The following AGAP1 variants were observed in gnomAD, a reference collection of about 807,000 sequenced individuals.
The protein encoded by AGAP1 is ArfGAP with GTPase domain, ankyrin repeat and PH domain 1, also known as arf-GAP with GTPase, ANK repeat and PH domain-containing protein 1.
AGAP1 carries 29 observed loss-of-function variants against 105.3 expected under a neutral mutation model. The observed-to-expected ratio is 0.28, with a 90% CI of 0.21 to 0.38. The LOEUF is 0.38. AGAP1 is among the 10% of genes least tolerant of loss of function. The pLI, the probability that AGAP1 is intolerant of heterozygous loss-of-function variation, is 1.00. For synonymous variants in AGAP1, 509 were observed against 485.9 expected (o/e 1.05, Z -0.63); for missense variants, 998 against 1,165.1 (o/e 0.86, Z 2.09).
rs1951383564 is a variant in AGAP1, at chr2:235,721,511, A to C, written c.310+3867A>C. On this transcript the variant is annotated intron_variant, in intron 3 of 17. Transcript: ENST00000304032. The surrounding 1 kb of genome is among the most constrained non-coding windows in gnomAD (Gnocchi z 4.5). Reference sequence around the variant, plus strand: ...TGTGTGTGTGTGTGTGTGTACACCTAGGTGTGTAATATATGTATGTGTACT... The same window carrying C: ...TGTGTGTGTGTGTGTGTGTACACCTCGGTGTGTAATATATGTATGTGTACT... Among the ~76,000 whole-genome samples the C allele has an allele frequency of 6.7e-6, 1 of 150,164 alleles. No individual in the cohort carries two copies. Among genetic ancestry groups the C allele is most frequent in the Admixed American group, 6.6e-5 (1 of 15,162 alleles).
chr2:235,780,183 A>G (rs190638003), intron 6 of AGAP1, among the ~76,000 whole-genome samples: 3,115 of 151,562 alleles, frequency 0.021, 99 homozygotes, highest in African/African-American at 0.071. Flanking sequence ...TTTTATTTCA[A>G]GAAGAAGATA....
intron 1 of AGAP1, among the ~76,000 whole-genome samples, chr2:235,567,120 G>T (rs1944372379): frequency 6.6e-6 from 1 of 152,230 alleles, no homozygotes; most frequent in Admixed American, 6.5e-5. Context: ...TCTCCCACAG[G>T]TCTGTCCCCC....
In AGAP1 at chr2:235,867,574, T is replaced by TGTGTGTGTGTGTGTGTGTGC. The variant is rs1380487646; in HGVS notation, c.1051-15770_1051-15769insTGTGTGTGTGTGTGTGTGCG. 6.8e-6 allele frequency among the ~76,000 whole-genome samples: 1 copy of TGTGTGTGTGTGTGTGTGTGC among 147,582 alleles called. No homozygotes were observed. Among genetic ancestry groups the TGTGTGTGTGTGTGTGTGTGC allele is most frequent in the African/African-American group, 2.5e-5 (1 of 40,310 alleles). On this transcript the variant is annotated intron_variant, in intron 9 of 17. Coordinates refer to ENST00000304032, the MANE Select transcript of AGAP1 (RefSeq NM_001037131.3). This position sits in a 1 kb window ranked among gnomAD's most constrained non-coding sequence, Gnocchi z 5.4. ...GTGTGTGTGTGTGTGTGTGTGTGTG[T>TGTGTGTGTGTGTGTGTGTGC]GCAAGTGAGGGAGGGTGACCCCCAC... is the stretch of plus-strand genomic sequence containing the variant.
rs1946598161 is a variant in AGAP1, at chr2:235,625,130, A to G, written c.164-84049A>G. On this transcript the variant is annotated intron_variant, in intron 1 of 17. Transcript: ENST00000304032. The surrounding 1 kb of genome is among the most constrained non-coding windows in gnomAD (Gnocchi z 4.0). ...ACACAGCAGGTGTGATCATTGGATG[A>G]GGAAGGCTCTCGGAATCATTCCAGG... 6.6e-6 allele frequency among the ~76,000 whole-genome samples: 1 copy of G among 152,208 alleles called. No homozygotes were observed. Among genetic ancestry groups the G allele is most frequent in the Non-Finnish European group, 1.5e-5 (1 of 68,030 alleles).
At chr2:235,896,200 C>T (rs2050800394) in intron 10 of AGAP1, among the ~76,000 whole-genome samples, 1 of 152,138 alleles carries the variant, frequency 6.6e-6, no homozygotes, top group Non-Finnish European at 1.5e-5. Flanking sequence ...AAGTCATATG[C>T]TGTTTGTCTT....
Position 235,723,765 on chromosome 2 carries a change from C to CGTTGGTTGGTTGGTTGGTTGGTTGGTTG in AGAP1, c.310+6132_310+6159dup, listed in dbSNP as rs3834112. On this transcript the variant is annotated intron_variant, in intron 3 of 17. Transcript: ENST00000304032. This position sits in a 1 kb window ranked among gnomAD's most constrained non-coding sequence, Gnocchi z 6.2. ...ATATGGATTGAGTGGGAGCTTTTAT[C>CGTTGGTTGGTTGGTTGGTTGGTTGGTTG]GTTGGTTGGTTGGTTGGTTGGTTGG... is the stretch of plus-strand genomic sequence containing the variant. Among the ~76,000 whole-genome samples the CGTTGGTTGGTTGGTTGGTTGGTTGGTTG allele has an allele frequency of 1.3e-5, 2 of 149,894 alleles. No homozygotes were observed. Among genetic ancestry groups the CGTTGGTTGGTTGGTTGGTTGGTTGGTTG allele is most frequent in the African/African-American group, 2.5e-5 (1 of 40,648 alleles).
chr2:235,567,760 A>G (rs1236369992), intron 1 of AGAP1, among the ~76,000 whole-genome samples: 2 of 148,104 alleles, frequency 1.4e-5, no homozygotes, highest in Non-Finnish European at 3.0e-5. Flanking sequence ...CAGGGTGGGA[A>G]TTGTCCACTG....
In AGAP1 at chr2:235,879,985, C is replaced by T. The variant is rs945816058; in HGVS notation, c.1051-3360C>T. Among the ~76,000 whole-genome samples, 16 of 151,826 alleles carry T rather than the reference C, an allele frequency of 1.1e-4. No homozygotes were observed. Among genetic ancestry groups the T allele is most frequent in the African/African-American group, 3.9e-4 (16 of 41,380 alleles). ...AATTAGCCGAACAGGATGGCACACGCCTGTAGTCCCAAGCTACTCAGGAGG... is the reference window on the plus strand; with the variant it reads ...AATTAGCCGAACAGGATGGCACACGTCTGTAGTCCCAAGCTACTCAGGAGG... On this transcript the variant is annotated intron_variant, in intron 9 of 17. Coordinates refer to ENST00000304032, the MANE Select transcript of AGAP1 (RefSeq NM_001037131.3). The surrounding 1 kb of genome is among the most constrained non-coding windows in gnomAD (Gnocchi z 5.0).
At chr2:235,669,183 A>G (rs1948231375) in intron 1 of AGAP1, among the ~76,000 whole-genome samples, 1 of 152,064 alleles carries the variant, frequency 6.6e-6, no homozygotes, top group South Asian at 2.1e-4. Flanking sequence ...TGTACACAGC[A>G]CCCTCACAGT....
At chr2:235,738,234 T>A (rs1371258546) in intron 3 of AGAP1, among the ~76,000 whole-genome samples, 2 of 151,992 alleles carry the variant, frequency 1.3e-5, no homozygotes, top group African/African-American at 4.8e-5. Context: ...TTAAAAACAC[T>A]TGGGGGTGAG....
intron 6 of AGAP1, among the ~76,000 whole-genome samples, chr2:235,783,638 T>C (rs1039380583): frequency 6.6e-6 from 1 of 152,130 alleles, no homozygotes; most frequent in Non-Finnish European, 1.5e-5. Context: ...CAGAAAAGAA[T>C]GATTCCATTT....
intron 8 of AGAP1, among the ~76,000 whole-genome samples, chr2:235,805,106 G>A (rs1957771786): frequency 6.6e-6 from 1 of 152,230 alleles, no homozygotes; most frequent in Non-Finnish European, 1.5e-5. Flanking sequence ...CTGAGGTACA[G>A]CAAACTCTTT....
At chr2:235,511,605 C>A (rs1460733573) in intron 1 of AGAP1, among the ~76,000 whole-genome samples, 27 of 152,160 alleles carry the variant, frequency 1.8e-4, no homozygotes, top group Admixed American at 1.8e-3. Flanking sequence ...TATGCTGGGC[C>A]CAGGGAAATT....
rs118102064 is a variant in AGAP1 at position 235,735,220 on chromosome 2, C to T, written c.311-5743C>T. Among the ~76,000 whole-genome samples the T allele has an allele frequency of 6.9e-4, 105 of 152,314 alleles. 2 individuals are homozygous for T. The East Asian group carries it at 0.018, about 26-fold the overall frequency. Reference sequence around the variant, plus strand: ...GTCGCTTGGAGGACTGTTAATGATACGTTGATAGCTTTCAGTTCAATTAGC... The same window carrying T: ...GTCGCTTGGAGGACTGTTAATGATATGTTGATAGCTTTCAGTTCAATTAGC... On this transcript the variant is annotated intron_variant, in intron 3 of 17. Transcript: ENST00000304032.
At chr2:235,617,971 G>A (rs74453671) in intron 1 of AGAP1, among the ~76,000 whole-genome samples, 2,294 of 152,110 alleles carry the variant, frequency 0.015, 59 homozygotes, top group African/African-American at 0.053. Context: ...AGGGGCCGGC[G>A]AGTTAACTGA....
intron 12 of AGAP1, among the ~76,000 whole-genome samples, chr2:235,939,963 C>T (rs1384903657): frequency 1.3e-5 from 2 of 152,158 alleles, no homozygotes; most frequent in African/African-American, 4.8e-5. Context: ...ACTCCTCTCT[C>T]CTCATTGAAC....
intron 2 of AGAP1, among the ~76,000 whole-genome samples, chr2:235,711,800 TCCCTCCTAGCGCAG>T (rs1432696081): frequency 6.6e-6 from 1 of 152,094 alleles, no homozygotes; most frequent in Non-Finnish European, 1.5e-5. Flanking sequence ...TGCAATTGTT[TCCCTCCTAGCGCAG>T]CCCCCCCAGG....
chr2:236,065,147 G>C (rs746192733), intron 16 of AGAP1, among the ~76,000 whole-genome samples: 41 of 152,286 alleles, frequency 2.7e-4, no homozygotes, highest in African/African-American at 8.7e-4. Flanking sequence ...CCTTCATCAC[G>C]GGCTTCGTCA....
chr2:236,102,666 G>A (rs1394693717), intron 16 of AGAP1, among the ~76,000 whole-genome samples: 8 of 151,918 alleles, frequency 5.3e-5, no homozygotes, highest in Non-Finnish European at 5.9e-5. Context: ...ATGCCGAGTG[G>A]GTAAAACACG....
Sources: allele counts gnomAD v4.1 joint callset (sites outside exome capture counted in the v4.1 genomes callset), GRCh38; gene constraint gnomAD v4.1.1; non-coding constraint Gnocchi (gnomAD v3.1); transcripts MANE v1.5; gene names NCBI Gene and HGNC (gene_info 2026-07-23, HGNC 2026-07-21).